Variants in RFX3 observed in about 807,000 individuals in gnomAD.
RFX3 encodes the protein regulatory factor X3.
RFX3 carries 14 observed loss-of-function variants against 98.6 expected under a neutral mutation model. The ratio of observed to expected loss-of-function variants is 0.14; its 90% CI spans 0.09 to 0.22. RFX3 has a LOEUF of 0.22. Ranked by LOEUF, RFX3 falls within the 10% of genes least tolerant of loss-of-function variation. The pLI is 1.00. For synonymous variants in RFX3, 383 were observed against 328.4 expected (o/e 1.17, Z -1.80); for missense variants, 639 against 926.9 (o/e 0.69, Z 4.03).
intron 4 of RFX3, among the ~76,000 whole-genome samples, chr9:3,302,273 G>T (rs557399771): frequency 3.0e-4 from 45 of 151,880 alleles, no homozygotes; most frequent in African/African-American, 1.1e-3. Context: ...ATGGAATGAA[G>T]AAGAGAAAAT....
intron 15 of RFX3, among the ~76,000 whole-genome samples, chr9:3,238,211 T>C (rs1210477632): frequency 6.6e-6 from 1 of 152,136 alleles, no homozygotes; most frequent in Non-Finnish European, 1.5e-5. Context: ...GATTTTAAAA[T>C]GAAATAAATG....
chr9:3,413,752 T>C (rs535162508), intron 1 of RFX3, among the ~76,000 whole-genome samples: 67 of 152,250 alleles, frequency 4.4e-4, no homozygotes, highest in African/African-American at 1.6e-3. Flanking sequence ...TTCTGCAGTG[T>C]AGCAGTTCTC....
intron 1 of RFX3, among the ~76,000 whole-genome samples, chr9:3,398,928 A>G (rs1841194303): frequency 6.7e-6 from 1 of 150,228 alleles, no homozygotes; most frequent in East Asian, 1.9e-4. Context: ...AAAAAAAAAA[A>G]AAAAAAAAAA....
Position 3,307,899 on chromosome 9 carries a change from G to C in RFX3, c.475-6279C>G, listed in dbSNP as rs948470688. On this transcript the variant is annotated intron_variant, in intron 4 of 16. Coordinates refer to ENST00000617270, the MANE Select transcript of RFX3 (RefSeq NM_001282116.2). ...CTTCCTCTCTTTTTCCTTTCTCTTA[G>C]ATTCTTTCAATTTTTTAAAATCTTC... is the stretch of plus-strand genomic sequence containing the variant. Among the ~76,000 whole-genome samples, 4 of 151,916 alleles carry C rather than the reference G, an allele frequency of 2.6e-5. No homozygotes were observed. The East Asian group carries it at 5.8e-4, about 22-fold the overall frequency.
intron 4 of RFX3, among the ~76,000 whole-genome samples, chr9:3,314,392 T>C (rs1830328116): frequency 6.6e-6 from 1 of 151,976 alleles, no homozygotes; most frequent in Non-Finnish European, 1.5e-5. Context: ...TGGAAACAAA[T>C]AACTGGTACC....
intron 3 of RFX3, among the ~76,000 whole-genome samples, chr9:3,337,248 G>C (rs182026738): frequency 1.4e-4 from 21 of 152,266 alleles, no homozygotes; most frequent in Admixed American, 3.9e-4. Context: ...ACAATAATAA[G>C]AGGTGATCTT....
intron 13 of RFX3, among the ~76,000 whole-genome samples, chr9:3,257,838 A>G (rs1238298391): frequency 6.6e-6 from 1 of 152,166 alleles, no homozygotes; most frequent in African/African-American, 2.4e-5. Context: ...AACAACAACA[A>G]AAACTCTTGA....
intron 3 of RFX3, among the ~76,000 whole-genome samples, chr9:3,331,154 A>G (rs533469012): frequency 3.5e-4 from 53 of 152,278 alleles, no homozygotes; most frequent in Admixed American, 2.7e-3. Context: ...TCCAACAACT[A>G]CAGTCAAGCT....
chr9:3,426,206 T>C (rs1453667116), intron 1 of RFX3, among the ~76,000 whole-genome samples: 1 of 152,120 alleles, frequency 6.6e-6, no homozygotes, highest in Non-Finnish European at 1.5e-5. Flanking sequence ...CATCTATGTT[T>C]ATAAATGAGT....
In RFX3 at chr9:3,220,903, A is replaced by G. The variant is rs1221062869; in HGVS notation, c.*4139T>C. On this transcript the variant is annotated 3_prime_UTR_variant, in exon 17 of 17. Transcript: ENST00000617270. The stretch of plus-strand genomic sequence containing the variant: ...TAATTGATTCGTTCTAACCATATAC[A>G]TGGAGGTTGTTCTGATCTAACAACA... 2 of 152,208 alleles carry G rather than the reference A, an allele frequency of 1.3e-5. No homozygotes were observed. The highest frequency in any genetic ancestry group is 2.9e-5 in the Non-Finnish European group (2 of 68,028). The allele number at this position is 152,208 out of a possible 1,614,324, so 9.4% of individuals were successfully genotyped here. A position where few individuals can be genotyped will look rare whatever the true frequency, so the allele number is the denominator to read the frequency against.
chr9:3,336,012 T>C (rs1184088565), intron 3 of RFX3, among the ~76,000 whole-genome samples: 2 of 152,220 alleles, frequency 1.3e-5, no homozygotes, highest in Non-Finnish European at 2.9e-5. Flanking sequence ...AGATACTCAG[T>C]ATCTCTAAAT....
chr9:3,332,169 A>C (rs1438454451), intron 3 of RFX3, among the ~76,000 whole-genome samples: 13 of 152,150 alleles, frequency 8.5e-5, no homozygotes, highest in Non-Finnish European at 1.5e-5. Context: ...TCTATTATAC[A>C]GGCTGAGAAT....
intron 1 of RFX3, among the ~76,000 whole-genome samples, chr9:3,442,007 C>T (rs191959397): frequency 0.021 from 3,251 of 152,124 alleles, 62 homozygotes; most frequent in African/African-American, 0.041. Flanking sequence ...CGAGACCAGC[C>T]TGGTCAACAT....
chr9:3,440,683 A>T (rs1488147003), intron 1 of RFX3, among the ~76,000 whole-genome samples: 1 of 152,192 alleles, frequency 6.6e-6, no homozygotes, highest in African/African-American at 2.4e-5. Context: ...GATCTAATGC[A>T]ATCCAAATCC....
At chr9:3,324,513 T>C (rs1013442986) in intron 4 of RFX3, among the ~76,000 whole-genome samples, 1 of 148,156 alleles carries the variant, frequency 6.7e-6, no homozygotes, top group African/African-American at 2.5e-5. Flanking sequence ...TGTGCTAATA[T>C]GAAACAAAAA....
intron 1 of RFX3, among the ~76,000 whole-genome samples, chr9:3,449,360 TGCCTCA>T (rs1228159420): frequency 6.6e-6 from 1 of 152,234 alleles, no homozygotes; most frequent in Admixed American, 6.5e-5. Context: ...GGAGCTTCTC[TGCCTCA>T]CACAGTTTTT....
chr9:3,234,049 ACAT>A (rs1008662629), intron 15 of RFX3, among the ~76,000 whole-genome samples: 1 of 152,212 alleles, frequency 6.6e-6, no homozygotes, highest in African/African-American at 2.4e-5. Context: ...ACGGGTAGGC[ACAT>A]TTTCATCCTT....
In RFX3 at chr9:3,317,467, T is replaced by G. The variant is rs1182294369; in HGVS notation, c.474+12792A>C. On this transcript the variant is annotated intron_variant, in intron 4 of 16. Coordinates refer to ENST00000617270, the MANE Select transcript of RFX3 (RefSeq NM_001282116.2). ...TCAGGACATAGGCATGGGCAAGGACTTCATGACTAAAACACCAAAAGCAAT... is the reference window on the plus strand; with the variant it reads ...TCAGGACATAGGCATGGGCAAGGACGTCATGACTAAAACACCAAAAGCAAT... 3.9e-5 allele frequency among the ~76,000 whole-genome samples: 6 copies of G among 152,154 alleles called. No individual in the cohort carries two copies. The East Asian group carries it at 9.6e-4, about 24-fold the overall frequency.
chr9:3,314,290 A>AG (rs1451791360), intron 4 of RFX3, among the ~76,000 whole-genome samples: 2 of 152,198 alleles, frequency 1.3e-5, no homozygotes, highest in African/African-American at 2.4e-5. Flanking sequence ...TAAGTGAAAG[A>AG]GAAAAAAAAT....
Sources: gnomAD v4.1 joint callset for allele counts (sites outside exome capture counted in the v4.1 genomes callset) on GRCh38, gnomAD v4.1.1 for gene constraint, MANE v1.5 for transcripts, NCBI Gene and HGNC (gene_info 2026-07-23, HGNC 2026-07-21) for gene names.